Variants in PCCA observed in about 807,000 individuals in gnomAD.
The protein encoded by PCCA is propionyl-CoA carboxylase subunit alpha.
A neutral mutation model predicts 101.3 loss-of-function variants in PCCA; 74 were observed. The observed-to-expected ratio is 0.73, with a 90% confidence interval of 0.61 to 0.89. PCCA has a LOEUF of 0.89. PCCA is among the 40% of genes least tolerant of loss of function. The pLI is 0.00. For synonymous variants in PCCA, 294 were observed against 313.6 expected (o/e 0.94, Z 0.66); for missense variants, 891 against 907.0 (o/e 0.98, Z 0.23).
chr13:100,518,051 T>G (rs1211782675), intron 22 of PCCA, among the ~76,000 whole-genome samples: 1 of 152,108 alleles, frequency 6.6e-6, no homozygotes, highest in Non-Finnish European at 1.5e-5. Flanking sequence ...CCGGGCGAGG[T>G]TCCCCTTTTA....
At chr13:100,219,034 C>T (rs576743557) in intron 7 of PCCA, among the ~76,000 whole-genome samples, 2 of 152,282 alleles carry the variant, frequency 1.3e-5, no homozygotes, top group Non-Finnish European at 2.9e-5. Flanking sequence ...GCAAATTTCT[C>T]CCCATTTGAG....
intron 19 of PCCA, among the ~76,000 whole-genome samples, chr13:100,391,637 G>C (rs1041522261): frequency 6.6e-6 from 1 of 152,092 alleles, no homozygotes. Flanking sequence ...AGATCCTGAA[G>C]GGCCTTTAAA....
chr13:100,091,680 G>T (rs932718935), intron 1 of PCCA, among the ~76,000 whole-genome samples: 1 of 152,028 alleles, frequency 6.6e-6, no homozygotes, highest in Admixed American at 6.6e-5. Flanking sequence ...CTAACTCTAG[G>T]GTCTAGTCTA....
rs191382816 is a variant in PCCA, at chr13:100,365,961, T to A, written c.1644-2511T>A. On this transcript the variant is annotated intron_variant, in intron 18 of 23. Transcript: ENST00000376285. ...GGTAGCTTGGTTTAAGAGTCTGTCCTAACCAAATAGACAAATCAGAGAATA... is the reference window on the plus strand; with the variant it reads ...GGTAGCTTGGTTTAAGAGTCTGTCCAAACCAAATAGACAAATCAGAGAATA... Among the ~76,000 whole-genome samples, 9 of 152,310 alleles carry A rather than the reference T, an allele frequency of 5.9e-5. No homozygotes were observed. In the East Asian group the frequency reaches 1.3e-3, roughly 23 times the overall value.
At chr13:100,348,583 T>C (rs2072626945) in intron 18 of PCCA, among the ~76,000 whole-genome samples, 1 of 152,202 alleles carries the variant, frequency 6.6e-6, no homozygotes. Context: ...TTTGTTTCAC[T>C]AACTGGTAAT....
At chr13:100,176,264 A>G (rs2056231838) in intron 6 of PCCA, among the ~76,000 whole-genome samples, 1 of 152,092 alleles carries the variant, frequency 6.6e-6, no homozygotes, top group South Asian at 2.1e-4. Flanking sequence ...AAATCCAGAA[A>G]TTTTCTTTTT....
intron 8 of PCCA, among the ~76,000 whole-genome samples, chr13:100,256,320 A>T (rs1469370048): frequency 6.6e-6 from 1 of 152,098 alleles, no homozygotes; most frequent in Admixed American, 6.6e-5. Flanking sequence ...GGCCCTTCTG[A>T]TAATACACTT....
chr13:100,451,934 T>C (rs1053473071), intron 21 of PCCA, among the ~76,000 whole-genome samples: 1 of 4,180 alleles, frequency 2.4e-4, no homozygotes, highest in African/African-American at 1.1e-3. Flanking sequence ...CTCCTCTCCC[T>C]CTCTCTCCTC....
intron 6 of PCCA, among the ~76,000 whole-genome samples, chr13:100,196,940 G>A (rs1207652957): frequency 6.6e-6 from 1 of 152,154 alleles, no homozygotes; most frequent in African/African-American, 2.4e-5. Flanking sequence ...TAGGTGAGAG[G>A]CTGAGGGCAT....
intron 20 of PCCA, among the ~76,000 whole-genome samples, chr13:100,435,258 A>G (rs987756011): frequency 2.0e-5 from 3 of 152,132 alleles, no homozygotes; most frequent in Non-Finnish European, 2.9e-5. Context: ...GGAGCATCAC[A>G]GGGCAAGAGC....
At chr13:100,089,927 T>C (rs899515080) in intron 1 of PCCA, among the ~76,000 whole-genome samples, 2 of 152,132 alleles carry the variant, frequency 1.3e-5, no homozygotes, top group Non-Finnish European at 2.9e-5. Flanking sequence ...TTGGAGTGCT[T>C]GTGTGTGCTT....
Position 100,178,821 on chromosome 13 carries a change from T to C in PCCA, c.468+21481T>C, listed in dbSNP as rs541811885. Among the ~76,000 whole-genome samples the C allele has an allele frequency of 2.0e-5, 3 of 152,220 alleles. No homozygotes were observed. The South Asian group carries it at 6.2e-4, about 32-fold the overall frequency. On this transcript the variant is annotated intron_variant, in intron 6 of 23. Transcript: ENST00000376285. ...GGCCGGGCGCGGTGGCTCATGCCTG[T>C]AATCCCAGCACTTTGGGAGGCTGAG...
intron 6 of PCCA, among the ~76,000 whole-genome samples, chr13:100,178,033 A>G (rs1411647294): frequency 6.6e-6 from 1 of 152,140 alleles, no homozygotes; most frequent in African/African-American, 2.4e-5. Flanking sequence ...CATTTCTGGG[A>G]TGAGTTTTTC....
rs531666931 is a variant in PCCA, at chr13:100,496,429, G to A, written c.1900-18998G>A. Among the ~76,000 whole-genome samples the A allele has an allele frequency of 7.9e-5, 12 of 152,068 alleles. No homozygotes were observed. In the South Asian group the frequency reaches 2.5e-3, roughly 32 times the overall value. ...GACAGGCCATTTATTTTGTCAAATG[G>A]CTCTCAATTTGGATTCATTTGGTGT... On this transcript the variant is annotated intron_variant, in intron 21 of 23. Coordinates refer to ENST00000376285, the MANE Select transcript of PCCA (RefSeq NM_000282.4).
chr13:100,253,119 T>G (rs2061860951), intron 8 of PCCA, among the ~76,000 whole-genome samples: 1 of 152,196 alleles, frequency 6.6e-6, no homozygotes, highest in Non-Finnish European at 1.5e-5. Context: ...GTTATAGCAG[T>G]CATCACTATC....
chr13:100,220,935 A>G (rs2059780508), intron 7 of PCCA, among the ~76,000 whole-genome samples: 1 of 152,176 alleles, frequency 6.6e-6, no homozygotes. Context: ...TGTTGGTTTA[A>G]GATTTGGAGA....
chr13:100,530,135 G>A lies in PCCA; in HGVS notation c.2156G>A (p.Gly719Glu), dbSNP rs2153010971. The A allele has an allele frequency of 6.2e-7, 1 of 1,614,100 alleles. No homozygotes were observed. Among genetic ancestry groups the A allele is most frequent in the African/African-American group, 1.3e-5 (1 of 75,032 alleles). The stretch of plus-strand genomic sequence containing the variant: ...CACTGTCAAGCTGGAGACACAGTTG[G>A]AGAAGGGGATCTGCTCGTGGAGCTG... The part of the protein sequence containing the change: ...SVHCQAGDTV[G>E]EGDLLVELE Residue 719 changes from glycine to glutamate, a missense_variant, in exon 24 of 24, where the codon GGA (glycine) becomes GAA (glutamate). Transcript: ENST00000376285.
At chr13:100,288,633 T>G (rs1018950655) in intron 12 of PCCA, among the ~76,000 whole-genome samples, 1 of 152,256 alleles carries the variant, frequency 6.6e-6, no homozygotes, top group African/African-American at 2.4e-5. Flanking sequence ...GCTCTTTGTG[T>G]TACACATTCT....
At chr13:100,422,530 A>G (rs2078899191) in intron 19 of PCCA, among the ~76,000 whole-genome samples, 1 of 152,184 alleles carries the variant, frequency 6.6e-6, no homozygotes, top group Non-Finnish European at 1.5e-5. Context: ...CCTGTTATGT[A>G]TCTTTGAATG....
Sources: allele counts gnomAD v4.1 joint callset (sites outside exome capture counted in the v4.1 genomes callset), GRCh38; gene constraint gnomAD v4.1.1; transcripts MANE v1.5; gene names NCBI Gene and HGNC (gene_info 2026-07-23, HGNC 2026-07-21).